The following FARSB variants were observed in gnomAD, a reference collection of about 807,000 sequenced individuals.
FARSB encodes the protein phenylalanine--tRNA ligase beta subunit.
In FARSB, 40 loss-of-function variants were observed where a neutral mutation model predicts 69.6. That is an observed-to-expected ratio of 0.57 (90% CI 0.45 to 0.75). The LOEUF (loss-of-function observed/expected upper bound fraction) is 0.75. Among genes scored for constraint, FARSB ranks in the 30% least tolerant of loss-of-function variants. FARSB has a pLI of 0.00. For missense variants in FARSB, 632 were observed against 722.9 expected, an observed-to-expected ratio of 0.87 and a Z score of 1.44; for synonymous variants, 235 against 247.2, an observed-to-expected ratio of 0.95 and a Z score of 0.46.
intron 10 of FARSB, among the ~76,000 whole-genome samples, chr2:222,626,896 C>T (rs540377179): frequency 1.3e-5 from 2 of 151,810 alleles, no homozygotes; most frequent in South Asian, 2.1e-4. Flanking sequence ...ATTAGCCGGG[C>T]GTGGTGACGG....
chr2:222,650,365 G>A (rs1042594607), intron 1 of FARSB, among the ~76,000 whole-genome samples: 2 of 152,180 alleles, frequency 1.3e-5, no homozygotes, highest in Admixed American at 6.5e-5. Flanking sequence ...AAGACTGCTC[G>A]CAGAGTAGAG....
chr2:222,606,923 G>T (rs1690717562), intron 15 of FARSB, among the ~76,000 whole-genome samples: 2 of 152,156 alleles, frequency 1.3e-5, no homozygotes, highest in Admixed American at 6.6e-5. Context: ...GACCAAAACA[G>T]CTTCTAGAAT....
intron 7 of FARSB, among the ~76,000 whole-genome samples, chr2:222,632,747 A>G (rs1192828306): frequency 2.0e-5 from 3 of 151,948 alleles, no homozygotes; most frequent in African/African-American, 4.8e-5. Flanking sequence ...CCAGGAGTTT[A>G]AGGTTGCAGT....
chr2:222,598,006 T>C (rs935921354), intron 16 of FARSB, among the ~76,000 whole-genome samples: 1 of 152,228 alleles, frequency 6.6e-6, no homozygotes, highest in African/African-American at 2.4e-5. Flanking sequence ...CACACTACAC[T>C]GTCTGCTGTG....
intron 9 of FARSB, 139 bp from the exon 10 acceptor site, chr2:222,629,027 T>G: frequency 1.5e-6 from 1 of 647,536 alleles, no homozygotes; most frequent in Non-Finnish European, 2.7e-6. Flanking sequence ...CCAGCACTGT[T>G]TGGATTGATC....
intron 16 of FARSB, among the ~76,000 whole-genome samples, chr2:222,595,693 C>T (rs1690391945): frequency 6.6e-6 from 1 of 152,030 alleles, no homozygotes. Context: ...AAATCACAGG[C>T]TCAAGTCAAC....
chr2:222,641,768 T>C (rs1295102677), intron 3 of FARSB, among the ~76,000 whole-genome samples: 1 of 152,172 alleles, frequency 6.6e-6, no homozygotes, highest in African/African-American at 2.4e-5. Flanking sequence ...GATTGTCCCA[T>C]AGGAAACCAA....
At chr2:222,637,275 A>C (rs1238490407) in intron 5 of FARSB, among the ~76,000 whole-genome samples, 1 of 152,178 alleles carries the variant, frequency 6.6e-6, no homozygotes, top group Non-Finnish European at 1.5e-5. Context: ...GTGAGCCCTG[A>C]CTATAGGGCA....
At position 222,633,226 on chromosome 2, in the gene FARSB, C is replaced by T. The variant is rs139596776; in HGVS notation, c.688G>A (p.Val230Ile). ...YPVIYDSNGVVLSMPPIINGD... is the reference protein window; with the variant it reads ...YPVIYDSNGVILSMPPIINGD... ...TTGATGATGGGAGGCATTGAAAGGA[C>T]GACACCATTGCTATCATAGATAACT... The change falls in exon 7 of 17, where the codon GTC becomes ATC. Residue 230 changes from valine (V) to isoleucine (I), a missense_variant. Val to Ile is a conservative substitution (Grantham distance 29). Transcript: ENST00000281828. The T allele has an allele frequency of 2.0e-4, 317 of 1,563,860 alleles. 1 individual carries two copies. Among genetic ancestry groups the T allele is most frequent in the East Asian group, 3.1e-4 (14 of 44,538 alleles).
chr2:222,654,596 A>G (rs1692122818), intron 1 of FARSB, among the ~76,000 whole-genome samples: 1 of 152,238 alleles, frequency 6.6e-6, no homozygotes, highest in Non-Finnish European at 1.5e-5. Flanking sequence ...ATTATAAAAT[A>G]AAGCGATTAG....
intron 8 of FARSB, 101 bp downstream of exon 8, chr2:222,631,503 T>A: frequency 1.4e-6 from 1 of 737,082 alleles, no homozygotes; most frequent in Non-Finnish European, 2.4e-6. Context: ...TGTTCCCACC[T>A]ACAAAATGCA....
At chr2:222,604,594 A>G (rs1327774223) in intron 15 of FARSB, among the ~76,000 whole-genome samples, 1 of 152,148 alleles carries the variant, frequency 6.6e-6, no homozygotes, top group Non-Finnish European at 1.5e-5. Flanking sequence ...TCACTCCAGT[A>G]GCCCAGGCTG....
chr2:222,577,286 C>T (rs890739052), intron 16 of FARSB, among the ~76,000 whole-genome samples: 2 of 151,976 alleles, frequency 1.3e-5, no homozygotes, highest in African/African-American at 4.8e-5. Flanking sequence ...AATTCTTCAC[C>T]TTGCATTTGA....
At chr2:222,611,269 G>GT (rs1265839963) in intron 15 of FARSB, among the ~76,000 whole-genome samples, 1 of 152,094 alleles carries the variant, frequency 6.6e-6, no homozygotes. Context: ...ATAGAGTGGT[G>GT]TAATTATAAC....
At chr2:222,609,715 T>C (rs575229801) in intron 15 of FARSB, among the ~76,000 whole-genome samples, 2 of 152,290 alleles carry the variant, frequency 1.3e-5, no homozygotes, top group East Asian at 3.9e-4. Context: ...GTCTCTAAAC[T>C]GGCAGCCTGA....
intron 16 of FARSB, among the ~76,000 whole-genome samples, chr2:222,582,532 G>A (rs1228342826): frequency 6.6e-6 from 1 of 152,070 alleles, no homozygotes; most frequent in Non-Finnish European, 1.5e-5. Flanking sequence ...AAAGTAATAA[G>A]GATAAATTTT....
chr2:222,639,479 G>A, intron 5 of FARSB, 101 bp downstream of exon 5: 1 of 468,800 alleles, frequency 2.1e-6, no homozygotes, highest in Non-Finnish European at 3.9e-6. Context: ...AAAGAAGGCA[G>A]AAGTGGCAAG....
chr2:222,651,375 T>C (rs1692033980), intron 1 of FARSB, among the ~76,000 whole-genome samples: 1 of 152,154 alleles, frequency 6.6e-6, no homozygotes, highest in African/African-American at 2.4e-5. Context: ...TGTTGGGGAT[T>C]TAAAAAATTC....
chr2:222,582,904 GA>G (rs1401956731), intron 16 of FARSB, among the ~76,000 whole-genome samples: 2 of 150,306 alleles, frequency 1.3e-5, no homozygotes, highest in East Asian at 3.9e-4. Context: ...CAGCCTGGCA[GA>G]CAGAGCAAGA....
Sources: gnomAD v4.1 joint callset for allele counts (sites outside exome capture counted in the v4.1 genomes callset) on GRCh38, gnomAD v4.1.1 for gene constraint, MANE v1.5 for transcripts, NCBI Gene and HGNC (gene_info 2026-07-23, HGNC 2026-07-21) for gene names.